The following ARHGEF18 variants were observed in gnomAD, a reference collection of about 807,000 sequenced individuals.
ARHGEF18 encodes rho guanine nucleotide exchange factor 18.
ARHGEF18 carries 93 observed loss-of-function variants against 155.7 expected under a neutral mutation model. The observed-to-expected ratio is 0.60, with a 90% CI of 0.50 to 0.71. The LOEUF is 0.71. ARHGEF18 is among the 30% of genes least tolerant of loss of function. The probability of loss-of-function intolerance (pLI) is 0.00; values close to 1 mark genes in which losing one functional copy is unlikely to be tolerated. For synonymous variants in ARHGEF18, 742 were observed against 753.1 expected (o/e 0.99, Z 0.24); for missense variants, 1,593 against 1,816.1 (o/e 0.88, Z 2.23).
intron 26 of ARHGEF18, among the ~76,000 whole-genome samples, chr19:7,468,159 C>G (rs969558727): frequency 2.6e-5 from 4 of 151,478 alleles, no homozygotes; most frequent in African/African-American, 7.3e-5. Context: ...CGTGATCACG[C>G]CACTGCACTC....
Position 7,467,255 on chromosome 19 carries a change from G to T in ARHGEF18, c.3051G>T (p.Arg1017=). The change falls in exon 26 of 29, where the codon CGG becomes CGT. Residue 1017 remains arginine, a synonymous_variant. Coordinates refer to ENST00000668164, the MANE Select transcript of ARHGEF18 (RefSeq NM_001367823.1). ...AGGACAGCTATGTGGAGACGCAGCG[G>T]GCTGCCATCCAGGAGCGGGAGAAGC... ...AHQDSYVETQ[R]AAIQEREKQF... 6.4e-7 allele frequency: 1 copy of T among 1,571,928 alleles called. No homozygotes were observed.
chr19:7,444,829 G>A lies in ARHGEF18; in HGVS notation c.1611+375G>A, dbSNP rs796413072. Among the ~76,000 whole-genome samples the A allele has an allele frequency of 2.0e-5, 3 of 152,152 alleles. No homozygotes were observed. The highest frequency in any genetic ancestry group is 7.2e-5 in the African/African-American group (3 of 41,518). ...TAACTTTTTATTTTTTGAAGAGATGGGGTCTTGCTTTGTTGCCCAGGCTAG... is the reference window on the plus strand; with the variant it reads ...TAACTTTTTATTTTTTGAAGAGATGAGGTCTTGCTTTGTTGCCCAGGCTAG... On this transcript the variant is annotated intron_variant, in intron 14 of 28. Transcript: ENST00000668164. The surrounding 1 kb of genome is among the most constrained non-coding windows in gnomAD (Gnocchi z 4.7).
intron 10 of ARHGEF18, among the ~76,000 whole-genome samples, chr19:7,405,336 C>T (rs748633152): frequency 2.0e-5 from 3 of 152,354 alleles, no homozygotes; most frequent in South Asian, 4.1e-4. Context: ...TCCGTGGTCA[C>T]GTGGCCTTCA....
chr19:7,399,794 CAG>C (rs1375028689), intron 10 of ARHGEF18, among the ~76,000 whole-genome samples: 2 of 141,076 alleles, frequency 1.4e-5, no homozygotes, highest in Non-Finnish European at 3.0e-5. Flanking sequence ...TTTTTTGAGA[CAG>C]AGTTTCGCTC....
chr19:7,396,827 A>G (rs1971738948), intron 10 of ARHGEF18, among the ~76,000 whole-genome samples: 1 of 151,958 alleles, frequency 6.6e-6, no homozygotes. Context: ...CCGTCTTCCC[A>G]TCTTTAAAAT....
intron 2 of ARHGEF18, among the ~76,000 whole-genome samples, chr19:7,365,640 A>T (rs1969854403): frequency 6.6e-6 from 1 of 152,154 alleles, no homozygotes; most frequent in African/African-American, 2.4e-5. Context: ...AGTAGGCAGC[A>T]AGGCTGTGCC....
At chr19:7,365,656 C>A (rs867730678) in intron 2 of ARHGEF18, among the ~76,000 whole-genome samples, 14 of 152,196 alleles carry the variant, frequency 9.2e-5, no homozygotes, top group South Asian at 4.1e-4. Context: ...GTGCCCCCAC[C>A]CGCTGGCAAA....
At chr19:7,396,602 C>T (rs1971723432) in intron 10 of ARHGEF18, among the ~76,000 whole-genome samples, 1 of 151,920 alleles carries the variant, frequency 6.6e-6, no homozygotes, top group South Asian at 2.1e-4. Context: ...GTAGTTCCAG[C>T]TACTCTGGAG....
At chr19:7,399,637 C>T (rs987686555) in intron 10 of ARHGEF18, among the ~76,000 whole-genome samples, 10 of 151,848 alleles carry the variant, frequency 6.6e-5, no homozygotes, top group East Asian at 1.9e-4. Flanking sequence ...CCTGCCACCA[C>T]GCCTGGCTAA....
chr19:7,464,485 C>G, intron 22 of ARHGEF18, 75 bp from the exon 23 acceptor site: 1 of 1,533,594 alleles, frequency 6.5e-7, no homozygotes, highest in Non-Finnish European at 8.8e-7. Flanking sequence ...TGGGCAGGGG[C>G]TGGGGGTGGA....
At position 7,470,147 on chromosome 19, in the gene ARHGEF18, G is replaced by A. The variant is rs1317798225; in HGVS notation, c.3935G>A (p.Ser1312Asn). The change falls in exon 29 of 29, where the codon AGC becomes AAC. Residue 1312 changes from serine to asparagine, a missense_variant. Ser to Asn is a conservative substitution (Grantham distance 46, BLOSUM62 1). Coordinates refer to ENST00000668164, the MANE Select transcript of ARHGEF18 (RefSeq NM_001367823.1). The surrounding 1 kb of genome is among the most constrained non-coding windows in gnomAD (Gnocchi z 5.9). ...PPPDPGFPAP[S>N]PPPADSPSEG... ...CCAGACCCTGGCTTCCCCGCCCCGA[G>A]CCCACCGCCAGCTGACAGCCCCTCC... 1 of 1,612,164 alleles carries A rather than the reference G, an allele frequency of 6.2e-7. No homozygotes were observed. The highest frequency in any genetic ancestry group is 2.2e-5 in the East Asian group (1 of 44,814).
In ARHGEF18 at chr19:7,384,718, G is replaced by GTC. The variant is rs537784941; in HGVS notation, c.967+1518_967+1519dup. 5.5e-3 allele frequency among the ~76,000 whole-genome samples: 832 copies of GTC among 150,684 alleles called. 4 individuals carry two copies. The highest frequency in any genetic ancestry group is 0.017 in the Middle Eastern group (5 of 288). Reference sequence around the variant, plus strand: ...TTTTTTTTTTTTTTTTTGCGACAGGGTCTCACTCTGTTGCCCAGGCTGGAG... The same window carrying GTC: ...TTTTTTTTTTTTTTTTTGCGACAGGGTCTCTCACTCTGTTGCCCAGGCTGGAG... On this transcript the variant is annotated intron_variant, in intron 10 of 28. Transcript: ENST00000668164.
At chr19:7,442,916 G>A (rs1341007008) in intron 13 of ARHGEF18, among the ~76,000 whole-genome samples, 1 of 151,850 alleles carries the variant, frequency 6.6e-6, no homozygotes, top group Non-Finnish European at 1.5e-5. Flanking sequence ...TTTGAGACAG[G>A]GTCTTACTCT....
At chr19:7,457,547 G>C (rs12973656) in intron 18 of ARHGEF18, among the ~76,000 whole-genome samples, 3 of 151,718 alleles carry the variant, frequency 2.0e-5, no homozygotes, top group African/African-American at 7.3e-5. Flanking sequence ...ATTTTTAGTA[G>C]AGATGGGGTT....
intron 23 of ARHGEF18, among the ~76,000 whole-genome samples, chr19:7,466,381 CAAAAA>C (rs3030730): frequency 3.0e-5 from 3 of 98,542 alleles, no homozygotes; most frequent in Non-Finnish European, 3.9e-5. Flanking sequence ...AACTCCATCT[CAAAAA>C]AAAAAAAAAA....
In ARHGEF18 at chr19:7,463,766, C is replaced by T. The variant is rs933643049; in HGVS notation, c.2636-52C>T. ...CGCTGCCCCAGCGCTCCGTATTCCC[C>T]CAGCACACTTCCGCAGGGCGACCCG... On this transcript the variant is annotated intron_variant, in intron 21 of 28. Transcript: ENST00000668164. This position sits in a 1 kb window ranked among gnomAD's most constrained non-coding sequence, Gnocchi z 5.2. The T allele has an allele frequency of 1.4e-5, 22 of 1,547,690 alleles. No individual in the cohort carries two copies. The African/African-American group carries it at 2.9e-4, about 20-fold the overall frequency.
chr19:7,353,025 G>A lies in ARHGEF18; in HGVS notation c.-111+3784G>A, dbSNP rs190232712. The stretch of plus-strand genomic sequence containing the variant: ...CTAATTTTGTATTTTTAGTACAGAC[G>A]GGGTTTCACCATGTTGGCCAGGCTG... On this transcript the variant is annotated intron_variant, in intron 1 of 28. Transcript: ENST00000668164. Among the ~76,000 whole-genome samples the A allele has an allele frequency of 8.5e-4, 128 of 150,202 alleles. 2 individuals carry two copies. Among genetic ancestry groups the A allele is most frequent in the Non-Finnish European group, 1.4e-3 (92 of 67,632 alleles).
At position 7,440,009 on chromosome 19, in the gene ARHGEF18, C is replaced by A. The variant is rs1600447515; in HGVS notation, c.968-335C>A. 3.2e-6 allele frequency: 5 copies of A among 1,550,398 alleles called. No homozygotes were observed. Among genetic ancestry groups the A allele is most frequent in the Non-Finnish European group, 4.4e-6 (5 of 1,146,686 alleles). ...CTTCAGCCAATACAGCAAGGGAAGA[C>A]GCAGCTCTGTTTTCTAGAAGGATCC... On this transcript the variant is annotated intron_variant, in intron 10 of 28. Coordinates refer to ENST00000668164, the MANE Select transcript of ARHGEF18 (RefSeq NM_001367823.1). This position sits in a 1 kb window ranked among gnomAD's most constrained non-coding sequence, Gnocchi z 5.4.
At chr19:7,447,394 C>A (rs920804259) in intron 15 of ARHGEF18, among the ~76,000 whole-genome samples, 2 of 151,422 alleles carry the variant, frequency 1.3e-5, no homozygotes, top group Non-Finnish European at 2.9e-5. Context: ...GAGGCTGAGG[C>A]AGAGGAATTG....
Sources: gnomAD v4.1 joint callset for allele counts (sites outside exome capture counted in the v4.1 genomes callset) on GRCh38, gnomAD v4.1.1 for gene constraint, Gnocchi (gnomAD v3.1) non-coding constraint, MANE v1.5 for transcripts, NCBI Gene and HGNC (gene_info 2026-07-23, HGNC 2026-07-21) for gene names.